The following C11orf65 variants were observed in gnomAD, a reference collection of about 807,000 sequenced individuals.
The protein encoded by C11orf65 is protein MFI.
C11orf65 carries 38 observed loss-of-function variants against 35.3 expected under a neutral mutation model. That is an observed-to-expected ratio of 1.08 (90% CI 0.83 to 1.41). C11orf65 has a LOEUF of 1.41. C11orf65 is among the 40% of genes most tolerant of loss of function. The pLI is 0.00. For missense variants in C11orf65, 370 were observed against 367.1 expected, an observed-to-expected ratio of 1.01 and a Z score of -0.06; for synonymous variants, 105 against 114.4, an observed-to-expected ratio of 0.92 and a Z score of 0.53.
At chr11:108,331,384 A>C, downstream of C11orf65, 1 of 1,574,490 alleles carries the variant, frequency 6.4e-7, no homozygotes, top group East Asian at 2.3e-5. Flanking sequence ...TTACTTGCTT[A>C]GATGTGAGAA....
chr11:108,362,197 A>G (rs2090846927), intron 2 of C11orf65, among the ~76,000 whole-genome samples: 1 of 146,140 alleles, frequency 6.8e-6, no homozygotes, highest in Admixed American at 6.9e-5. Context: ...CACATGAAAA[A>G]ATGCTCATCA....
downstream of C11orf65, chr11:108,327,497 T>C (rs183161309): frequency 1.6e-6 from 1 of 630,672 alleles, no homozygotes; most frequent in Admixed American, 2.5e-5. Context: ...AAAATAGTTG[T>C]ATGGCAAAAG....
chr11:108,327,222 G>A (rs1331683291), downstream of C11orf65, among the ~76,000 whole-genome samples: 1 of 152,208 alleles, frequency 6.6e-6, no homozygotes, highest in African/African-American at 2.4e-5. Context: ...AATATGATAT[G>A]TGTAAATATT....
rs227092 is a variant in C11orf65 at position 108,366,056 on chromosome 11, G to T, written c.226+27152C>A. 89,533 of 171,628 alleles carry T rather than the reference G, an allele frequency of 0.52. 24,383 individuals are homozygous for T. Among genetic ancestry groups the T allele is most frequent in the Middle Eastern group, 0.71 (294 of 414 alleles). The allele number at this position is 171,628 out of a possible 1,614,324, so 10.6% of individuals were successfully genotyped here. The stretch of plus-strand genomic sequence containing the variant: ...AAAAAAAAAAAAAAAAAACAGAAAC[G>T]TATTTGGATTTTTCCTAGTAAGATC... On this transcript the variant is annotated intron_variant, in intron 2 of 3. Transcript: ENST00000524755.
chr11:108,405,321 C>A, intron 6 of C11orf65, 108 bp downstream of exon 6: 1 of 1,139,488 alleles, frequency 8.8e-7, no homozygotes, highest in Non-Finnish European at 1.2e-6. Flanking sequence ...GGTCTGCGGG[C>A]AGACCCCCTG....
intron 2 of C11orf65, among the ~76,000 whole-genome samples, chr11:108,443,284 A>G (rs1321117277): frequency 1.3e-5 from 2 of 152,196 alleles, no homozygotes; most frequent in Non-Finnish European, 2.9e-5. Context: ...ACTATCCTAA[A>G]TATATATGCA....
chr11:108,356,689 C>T (rs556006496), intron 2 of C11orf65, among the ~76,000 whole-genome samples: 1 of 152,042 alleles, frequency 6.6e-6, no homozygotes, highest in Non-Finnish European at 1.5e-5. Context: ...GTACTTGTAT[C>T]CTACCTAACA....
chr11:108,397,385 A>G (rs189380002), intron 6 of C11orf65, among the ~76,000 whole-genome samples: 345 of 151,958 alleles, frequency 2.3e-3, no homozygotes, highest in South Asian at 7.1e-3. Flanking sequence ...TTTTAGTTGT[A>G]TTCACCTTAA....
chr11:108,373,776 G>C (rs538224840), intron 2 of C11orf65, among the ~76,000 whole-genome samples: 3 of 152,242 alleles, frequency 2.0e-5, no homozygotes, highest in African/African-American at 2.4e-5. Context: ...CCTGGTCAAG[G>C]AAAGGGGTGA....
chr11:108,443,562 C>A (rs901274254), intron 2 of C11orf65, among the ~76,000 whole-genome samples: 10 of 151,922 alleles, frequency 6.6e-5, no homozygotes, highest in Admixed American at 1.3e-4. Context: ...AAAATTGACC[C>A]CATAGTTGGA....
At chr11:108,430,559 C>T (rs2092972511) in intron 3 of C11orf65, among the ~76,000 whole-genome samples, 2 of 151,810 alleles carry the variant, frequency 1.3e-5, no homozygotes, top group Non-Finnish European at 1.5e-5. Context: ...TTTTAAAAGA[C>T]CAATAAGGGT....
intron 2 of C11orf65, among the ~76,000 whole-genome samples, chr11:108,450,445 T>G (rs1274602735): frequency 6.6e-6 from 1 of 151,452 alleles, no homozygotes; most frequent in Non-Finnish European, 1.5e-5. Flanking sequence ...TATGCAGCCA[T>G]AAAAAATGAT....
downstream of C11orf65, chr11:108,331,322 T>C (rs1231264395): frequency 1.4e-6 from 2 of 1,467,358 alleles, no homozygotes; most frequent in Non-Finnish European, 1.8e-6. Context: ...ATATAGTTAG[T>C]GAAGTTTTGT....
intron 2 of C11orf65, among the ~76,000 whole-genome samples, chr11:108,438,603 T>C (rs2093102910): frequency 6.6e-6 from 1 of 151,344 alleles, no homozygotes; most frequent in South Asian, 2.1e-4. Flanking sequence ...ATAAAACTCC[T>C]AGAAGAAAAT....
intron 6 of C11orf65, among the ~76,000 whole-genome samples, chr11:108,309,759 T>C (rs530752909): frequency 3.3e-5 from 5 of 152,296 alleles, no homozygotes; most frequent in African/African-American, 1.2e-4. Flanking sequence ...GATGAAACAA[T>C]ATTTTTTATT....
intron 2 of C11orf65, among the ~76,000 whole-genome samples, chr11:108,375,462 C>A (rs866884606): frequency 3.3e-5 from 5 of 150,398 alleles, no homozygotes; most frequent in Admixed American, 6.7e-5. Context: ...ACCAGGCCTG[C>A]CCTAAAAGAG....
In C11orf65 at chr11:108,456,156, A is replaced by C. The variant is rs148619717; in HGVS notation, c.81+5323T>G. On this transcript the variant is annotated intron_variant, in intron 2 of 8. Transcript: ENST00000393084. ...GGCAACAGGGTGAGACTCTGTCTTAAATAAACAAATAAATATACACAAATA... is the reference window on the plus strand; with the variant it reads ...GGCAACAGGGTGAGACTCTGTCTTACATAAACAAATAAATATACACAAATA... Among the ~76,000 whole-genome samples, 8 of 152,286 alleles carry C rather than the reference A, an allele frequency of 5.3e-5. No homozygotes were observed. The East Asian group carries it at 1.5e-3, about 29-fold the overall frequency.
Position 108,405,555 on chromosome 11 carries a change from C to T in C11orf65, c.434G>A (p.Trp145Ter). The T allele has an allele frequency of 1.2e-6, 2 of 1,611,326 alleles. No homozygotes were observed. Among genetic ancestry groups the T allele is most frequent in the South Asian group, 2.2e-5 (2 of 90,090 alleles). ...CACCACCATACCATCAGTAGATAGC[C>T]AAAACTATTGAGAAACAAAAATGAA... ...NGWRPVSDTFWLSTDGMVVED... is the reference protein window; with the variant it reads ...NGWRPVSDTF Residue 145 changes from tryptophan (W) to a stop codon, truncating the protein, a stop_gained, in exon 6 of 9, where the codon TGG becomes TAG. Transcript: ENST00000393084. LOFTEE classifies it high-confidence loss of function.
At position 108,437,707 on chromosome 11, in the gene C11orf65, T is replaced by TAAAAAAA. The variant is rs145337876; in HGVS notation, c.82-5876_82-5870dup. On this transcript the variant is annotated intron_variant, in intron 2 of 8. Transcript: ENST00000393084. Reference sequence around the variant, plus strand: ...CCTGGTGACAGGTGAGACTCAGTCTTAAAAAAAAAAAAAAAAAAAAAAAAA... The same window carrying TAAAAAAA: ...CCTGGTGACAGGTGAGACTCAGTCTTAAAAAAAAAAAAAAAAAAAAAAAAAAAAAAAA... Among the ~76,000 whole-genome samples, 149 of 38,008 alleles carry TAAAAAAA rather than the reference T, an allele frequency of 3.9e-3. 9 individuals carry two copies. The highest frequency in any genetic ancestry group is 1.0e-2 in the African/African-American group (70 of 7,032). The allele number at this position is 38,008 out of a possible 152,430, so 24.9% of individuals were successfully genotyped here. A position where few individuals can be genotyped will look rare whatever the true frequency, so the allele number is the denominator to read the frequency against.
Sources: allele counts gnomAD v4.1 joint callset (sites outside exome capture counted in the v4.1 genomes callset), GRCh38; gene constraint gnomAD v4.1.1; transcripts MANE v1.5; gene names NCBI Gene and HGNC (gene_info 2026-07-23, HGNC 2026-07-21).